ZBTB25: variants seen among roughly 807,000 people sequenced by gnomAD.
ZBTB25 encodes the protein zinc finger and BTB domain-containing protein 25.
ZBTB25 carries 20 observed loss-of-function variants against 34.2 expected under a neutral mutation model. The observed-to-expected ratio is 0.58, with a 90% CI of 0.41 to 0.85. The LOEUF (loss-of-function observed/expected upper bound fraction) is 0.85. Ranked by LOEUF, ZBTB25 falls within the 40% of genes least tolerant of loss-of-function variation. The pLI, the probability that ZBTB25 is intolerant of heterozygous loss-of-function variation, is 0.00. For synonymous variants in ZBTB25, 175 were observed against 186.4 expected, an observed-to-expected ratio of 0.94 and a Z score of 0.50; for missense variants, 437 against 521.8, an observed-to-expected ratio of 0.84 and a Z score of 1.58.
chr14:64,458,242 G>T, intron 2 of ZBTB25: 1 of 1,612,856 alleles, frequency 6.2e-7, no homozygotes, highest in Non-Finnish European at 8.5e-7. Flanking sequence ...CTCCCCACCC[G>T]GCCCTGTTTT....
At chr14:64,456,337 G>T (rs1247259455) in intron 2 of ZBTB25, among the ~76,000 whole-genome samples, 1 of 152,080 alleles carries the variant, frequency 6.6e-6, no homozygotes, top group Non-Finnish European at 1.5e-5. Flanking sequence ...TTGCCGTTGG[G>T]GCCTTAACGA....
At chr14:64,504,589 C>A (rs2079607041), upstream of ZBTB25, 2 of 244,776 alleles carry the variant, frequency 8.2e-6, no homozygotes, top group Non-Finnish European at 7.8e-6. Context: ...AAACTTGTTG[C>A]AACAAACAGG....
chr14:64,498,322 T>C (rs77806396), intron 1 of ZBTB25, among the ~76,000 whole-genome samples: 1 of 151,850 alleles, frequency 6.6e-6, no homozygotes, highest in African/African-American at 2.4e-5. Context: ...TTTTTTTTTT[T>C]TGAGACAGAG....
At chr14:64,460,017 C>T in intron 2 of ZBTB25, 1 of 1,172,682 alleles carries the variant, frequency 8.5e-7, no homozygotes, top group Non-Finnish European at 1.2e-6. Context: ...CTTGGTGTTG[C>T]AATATGAATT....
intron 1 of ZBTB25, 166 bp downstream of exon 1, chr14:64,503,495 C>T: frequency 1.0e-6 from 1 of 985,418 alleles, no homozygotes; most frequent in African/African-American, 1.7e-5. Flanking sequence ...GATGTATTTT[C>T]CTCCTGTGCC....
rs953319878 is a variant in ZBTB25, at chr14:64,478,792, A to G, written c.*8131T>C. On this transcript the variant is annotated 3_prime_UTR_variant, in exon 3 of 3. Transcript: ENST00000608382. ...CATGATCCAAAAGTAGCTAAGCCCT[A>G]AATAATATTTACTATTAATAGTAAT... 6.6e-6 allele frequency: 1 copy of G among 152,222 alleles called. No individual in the cohort carries two copies. Among genetic ancestry groups the G allele is most frequent in the South Asian group, 2.1e-4 (1 of 4,828 alleles). 9.4% of individuals were successfully genotyped at this position (152,222 alleles called of 1,614,324 possible).
At position 64,483,137 on chromosome 14, in the gene ZBTB25, G is replaced by A. The variant is rs956618518; in HGVS notation, c.*3786C>T. ...AGGGGAAAATGTTTAGTATCTGCCT[G>A]ATACACACGAAAGTGCATATGACAT... On this transcript the variant is annotated 3_prime_UTR_variant, in exon 3 of 3. Coordinates refer to ENST00000608382, the MANE Select transcript of ZBTB25 (RefSeq NM_006977.5). The A allele has an allele frequency of 6.6e-6, 1 of 152,174 alleles. No individual in the cohort carries two copies. Among genetic ancestry groups the A allele is most frequent in the African/African-American group, 2.4e-5 (1 of 41,436 alleles). The allele number at this position is 152,174 out of a possible 1,614,324, so 9.4% of individuals were successfully genotyped here.
chr14:64,468,444 G>C, intron 2 of ZBTB25: 1 of 1,613,866 alleles, frequency 6.2e-7, no homozygotes. Flanking sequence ...GATGAGAAGA[G>C]ATCAGCAGAA....
intron 2 of ZBTB25, chr14:64,455,022 A>G: frequency 1.2e-6 from 1 of 819,670 alleles, no homozygotes; most frequent in South Asian, 1.4e-5. Flanking sequence ...GCTGTGGATC[A>G]TAAGCTATAA....
chr14:64,505,098 G>C, upstream of ZBTB25: 3 of 353,922 alleles, frequency 8.5e-6, no homozygotes, highest in Non-Finnish European at 1.5e-5. Flanking sequence ...ACCCGGTGAC[G>C]GGCGGCTGCC....
chr14:64,505,088 AC>A (rs1232761556), upstream of ZBTB25: 10 of 358,002 alleles, frequency 2.8e-5, no homozygotes, highest in Non-Finnish European at 5.0e-5. Flanking sequence ...CGCTGCGAGG[AC>A]CCGGTGACGG....
In ZBTB25 at chr14:64,487,921, C is replaced by G. The variant is rs746205018; in HGVS notation, c.310G>C (p.Ala104Pro). ...RLEEGIRFLH[A>P]DYLSHIATEM... Reference sequence around the variant, plus strand: ...GTTGCAATGTGAGAAAGGTAGTCGGCGTGAAGAAATCGAATCCCTTCCTCC... The same window carrying G: ...GTTGCAATGTGAGAAAGGTAGTCGGGGTGAAGAAATCGAATCCCTTCCTCC... The change falls in exon 3 of 3, where the codon GCC (alanine) becomes CCC (proline). Residue 104 changes from alanine (A) to proline (P), a missense_variant. Transcript: ENST00000608382. The G allele has an allele frequency of 6.2e-7, 1 of 1,614,122 alleles. No individual in the cohort carries two copies. Among genetic ancestry groups the G allele is most frequent in the South Asian group, 1.1e-5 (1 of 91,082 alleles).
chr14:64,464,006 C>T (rs1379299292), intron 2 of ZBTB25, among the ~76,000 whole-genome samples: 2 of 151,942 alleles, frequency 1.3e-5, no homozygotes, highest in Admixed American at 6.6e-5. Flanking sequence ...TTTCGATAGA[C>T]GTGTTTGCTG....
chr14:64,469,698 G>A lies in ZBTB25; in HGVS notation c.174-20060C>T, dbSNP rs760186785. On this transcript the variant is annotated intron_variant, in intron 2 of 2. Coordinates refer to the ZBTB25 transcript ENST00000555220. ...CAGTGACTTACTCTCCAGAGTCACG[G>A]CAGAAAAAACAAGCTTAATGAAGAA... 7 of 1,499,852 alleles carry A rather than the reference G, an allele frequency of 4.7e-6. No individual in the cohort carries two copies. In the East Asian group the frequency reaches 1.4e-4, roughly 30 times the overall value. 92.9% of individuals were successfully genotyped at this position (1,499,852 alleles called of 1,614,324 possible).
chr14:64,450,579 G>T (rs2078354645), intron 2 of ZBTB25, among the ~76,000 whole-genome samples: 1 of 152,194 alleles, frequency 6.6e-6, no homozygotes, highest in South Asian at 2.1e-4. Context: ...TATCTGTCCA[G>T]TGTATTTCAG....
chr14:64,477,204 C>T (rs989633778), downstream of ZBTB25, among the ~76,000 whole-genome samples: 2 of 152,188 alleles, frequency 1.3e-5, no homozygotes, highest in Non-Finnish European at 2.9e-5. Flanking sequence ...GCAAGGCTGT[C>T]ACGCACAGCT....
chr14:64,496,195 G>A (rs1314491320), intron 1 of ZBTB25, among the ~76,000 whole-genome samples: 1 of 151,852 alleles, frequency 6.6e-6, no homozygotes, highest in Non-Finnish European at 1.5e-5. Flanking sequence ...ACTCTAAAAA[G>A]TATTACAGAC....
chr14:64,469,703 AAAAAC>A (rs1462634193), intron 2 of ZBTB25: 1 of 1,479,972 alleles, frequency 6.8e-7, no homozygotes, highest in Admixed American at 2.4e-5. Flanking sequence ...TCACGGCAGA[AAAAAC>A]AAGCTTAATG....
In ZBTB25 at chr14:64,458,401, C is replaced by T. The variant is rs2078509282; in HGVS notation, c.174-8763G>A. On this transcript the variant is annotated intron_variant, in intron 2 of 2. Coordinates refer to the ZBTB25 transcript ENST00000555220. ...AACTGACGCTATAAAAATTCACATT[C>T]TAATGCTTTCAAAACATTTCTTTTC... 6.9e-6 allele frequency: 6 copies of T among 870,326 alleles called. No individual in the cohort carries two copies. The South Asian group carries it at 8.0e-5, about 12-fold the overall frequency. 53.9% of individuals were successfully genotyped at this position (870,326 alleles called of 1,614,324 possible).
Sources: gnomAD v4.1 joint callset for allele counts (sites outside exome capture counted in the v4.1 genomes callset) on GRCh38, gnomAD v4.1.1 for gene constraint, MANE v1.5 for transcripts, NCBI Gene and HGNC (gene_info 2026-07-23, HGNC 2026-07-21) for gene names.